The following ARHGEF11 variants were observed in gnomAD, a reference collection of about 807,000 sequenced individuals.
ARHGEF11 encodes Rho guanine nucleotide exchange factor 11.
A neutral mutation model predicts 193.7 loss-of-function variants in ARHGEF11; 55 were observed. The observed-to-expected ratio is 0.28, with a 90% CI of 0.23 to 0.36. The LOEUF (loss-of-function observed/expected upper bound fraction) is 0.36. Ranked by LOEUF, ARHGEF11 falls within the 10% of genes least tolerant of loss-of-function variation. The probability of loss-of-function intolerance (pLI) is 1.00; values close to 1 mark genes in which losing one functional copy is unlikely to be tolerated. For synonymous variants in ARHGEF11, 693 were observed against 768.0 expected, an observed-to-expected ratio of 0.90 and a Z score of 1.62; for missense variants, 1,723 against 2,005.6, an observed-to-expected ratio of 0.86 and a Z score of 2.69.
intron 1 of ARHGEF11, among the ~76,000 whole-genome samples, chr1:157,006,944 T>C (rs1287295559): frequency 1.3e-5 from 2 of 152,180 alleles, no homozygotes; most frequent in African/African-American, 4.8e-5. Context: ...CTAAGGTTGG[T>C]AGCCCTTTCT....
intron 1 of ARHGEF11, among the ~76,000 whole-genome samples, chr1:156,996,697 CG>C (rs1347953402): frequency 7.4e-6 from 1 of 135,834 alleles, no homozygotes; most frequent in South Asian, 2.6e-4. Flanking sequence ...GGCGTGAACC[CG>C]GGGGGCGGAG....
chr1:156,959,041 C>A lies in ARHGEF11; in HGVS notation c.1379+5G>T. The A allele has an allele frequency of 2.5e-6, 4 of 1,614,194 alleles. No homozygotes were observed. Among genetic ancestry groups the A allele is most frequent in the Non-Finnish European group, 3.4e-6 (4 of 1,180,008 alleles). Reference sequence around the variant, plus strand: ...GAGAGGTGGGAGGTCAGCTCCTGGGCCAACCTGTAGTCGTGGATCTGCTCT... The same window carrying A: ...GAGAGGTGGGAGGTCAGCTCCTGGGACAACCTGTAGTCGTGGATCTGCTCT... On this transcript the variant is annotated splice_donor_5th_base_variant and intron_variant, in intron 16 of 40. Coordinates refer to ENST00000368194, the MANE Select transcript of ARHGEF11 (RefSeq NM_198236.3).
At chr1:156,992,126 G>A (rs1223887435) in intron 1 of ARHGEF11, among the ~76,000 whole-genome samples, 1 of 152,122 alleles carries the variant, frequency 6.6e-6, no homozygotes, top group Non-Finnish European at 1.5e-5. Context: ...CATTCCCCAA[G>A]TAATCATTTT....
chr1:156,986,785 T>A (rs1664981748), intron 1 of ARHGEF11, among the ~76,000 whole-genome samples: 1 of 152,176 alleles, frequency 6.6e-6, no homozygotes, highest in Non-Finnish European at 1.5e-5. Context: ...TAAATGGGCA[T>A]GAGTATAAGC....
At position 156,939,709 on chromosome 1, in the gene ARHGEF11, C is replaced by T. The variant is rs1465369151; in HGVS notation, c.3935G>A (p.Gly1312Glu). ...GDNTQLAGLE[G>E]ERPEQEDMGL... ...CATGTCTTCCTGCTCTGGCCGTTCC[C>T]CCTCCAGCCCTGCAAGCTGGGTGTT... The change falls in exon 37 of 41, where the codon GGG (glycine) becomes GAG (glutamate). Residue 1312 changes from glycine to glutamate, a missense_variant. Gly to Glu is a moderately conservative substitution (Grantham distance 98). Coordinates refer to ENST00000368194, the MANE Select transcript of ARHGEF11 (RefSeq NM_198236.3). 12 of 1,614,004 alleles carry T rather than the reference C, an allele frequency of 7.4e-6. No homozygotes were observed. The highest frequency in any genetic ancestry group is 1.0e-5 in the Non-Finnish European group (12 of 1,180,030).
intron 1 of ARHGEF11, among the ~76,000 whole-genome samples, chr1:157,021,363 GC>G (rs1669958438): frequency 6.6e-6 from 1 of 152,168 alleles, no homozygotes; most frequent in Admixed American, 6.5e-5. Context: ...GCATGTCCTT[GC>G]CCTGTAATGC....
chr1:157,019,372 A>G (rs1468500786), intron 1 of ARHGEF11, among the ~76,000 whole-genome samples: 1 of 152,256 alleles, frequency 6.6e-6, no homozygotes, highest in African/African-American at 2.4e-5. Flanking sequence ...TTAAAATTAA[A>G]AAGACTGAAC....
At chr1:156,994,963 A>G (rs952667486) in intron 1 of ARHGEF11, among the ~76,000 whole-genome samples, 1 of 152,186 alleles carries the variant, frequency 6.6e-6, no homozygotes, top group Non-Finnish European at 1.5e-5. Flanking sequence ...TTTCCTCCTC[A>G]GTAAAACACT....
intron 1 of ARHGEF11, among the ~76,000 whole-genome samples, chr1:157,013,263 TCACACA>T (rs71084208): frequency 0.012 from 1,674 of 140,812 alleles, 43 homozygotes; most frequent in African/African-American, 0.043. Flanking sequence ...CCACTATCAC[TCACACA>T]CACACACACA....
chr1:156,944,351 C>A lies in ARHGEF11; in HGVS notation c.3067+7G>T, dbSNP rs200495122. On this transcript the variant is annotated splice_region_variant and intron_variant, in intron 31 of 40. Coordinates refer to ENST00000368194, the MANE Select transcript of ARHGEF11 (RefSeq NM_198236.3). ...TTCCTGCTCAGTCCCAGTCCCCTGG[C>A]ACATACCCAAGGTCTTATCCTTGCT... The A allele has an allele frequency of 1.2e-6, 2 of 1,614,052 alleles. 1 individual carries two copies. The highest frequency in any genetic ancestry group is 2.2e-5 in the South Asian group (2 of 91,062).
chr1:156,945,508 T>C (rs1657956132), intron 29 of ARHGEF11: 1 of 358,076 alleles, frequency 2.8e-6, no homozygotes, highest in Non-Finnish European at 5.1e-6. Flanking sequence ...ATTATGCCTC[T>C]AGAAAGCCTG....
rs768295481 is a variant in ARHGEF11, at chr1:156,937,367, T to C, written c.4322A>G (p.Gln1441Arg). The C allele has an allele frequency of 1.2e-6, 2 of 1,611,140 alleles. No homozygotes were observed. The highest frequency in any genetic ancestry group is 1.7e-6 in the Non-Finnish European group (2 of 1,178,624). Residue 1441 changes from glutamine (Q) to arginine (R), a missense_variant, in exon 39 of 41, where the codon CAG becomes CGG. Coordinates refer to ENST00000368194, the MANE Select transcript of ARHGEF11 (RefSeq NM_198236.3). ...AGQTEPQPQL[Q>R]GGNDDPRRPS... ...GCGTCTTGGATCATCGTTGCCTCCC[T>C]GCAGCTGAGGCTGAGGCTCTGTCTG...
rs1168012981 is a variant in ARHGEF11 at position 157,045,469 on chromosome 1, G to A, written c.-1139C>T. On this transcript the variant is annotated 5_prime_UTR_variant, in exon 1 of 41. Transcript: ENST00000368194. ...TTATTATTGTGGATTTGAGTTCGAG[G>A]TGGGTTTTTCTTCCACACCAGACTC... is the stretch of plus-strand genomic sequence containing the variant. The A allele has an allele frequency of 6.6e-6, 1 of 152,242 alleles. No individual in the cohort carries two copies. Among genetic ancestry groups the A allele is most frequent in the East Asian group, 1.9e-4 (1 of 5,198 alleles). 9.4% of individuals were successfully genotyped at this position (152,242 alleles called of 1,614,324 possible).
At chr1:157,009,936 A>T (rs1463878141) in intron 1 of ARHGEF11, among the ~76,000 whole-genome samples, 1 of 152,214 alleles carries the variant, frequency 6.6e-6, no homozygotes, top group East Asian at 1.9e-4. Context: ...TGCCTGGAGC[A>T]CCTATCAAAT....
At chr1:156,980,531 A>G (rs1206955486) in intron 3 of ARHGEF11, 45 bp from the exon 4 acceptor site, 10 of 1,561,528 alleles carry the variant, frequency 6.4e-6, no homozygotes, top group Non-Finnish European at 8.7e-6. Flanking sequence ...AACCTCTTCC[A>G]CTGAAGCTAC....
upstream of ARHGEF11, among the ~76,000 whole-genome samples, chr1:157,045,831 C>G (rs939409632): frequency 4.0e-5 from 6 of 151,142 alleles, no homozygotes; most frequent in South Asian, 4.1e-4. Context: ...CGGCCGCCCC[C>G]CTTCCCTCCC....
intron 1 of ARHGEF11, among the ~76,000 whole-genome samples, chr1:157,024,544 G>A (rs1052256548): frequency 2.0e-5 from 3 of 152,184 alleles, no homozygotes. Flanking sequence ...GTTAGATGAA[G>A]TAGCAATTAA....
chr1:156,979,212 A>T lies in ARHGEF11; in HGVS notation c.331+17T>A, dbSNP rs1256489734. ...CATCTGCTTCCCTACTTTAGTTGTC[A>T]CCTCTCTCCAACTCACATTTGATCA... On this transcript the variant is annotated intron_variant, in intron 5 of 40. Coordinates refer to ENST00000368194, the MANE Select transcript of ARHGEF11 (RefSeq NM_198236.3). 1 of 1,612,398 alleles carries T rather than the reference A, an allele frequency of 6.2e-7. No homozygotes were observed. The highest frequency in any genetic ancestry group is 1.1e-5 in the South Asian group (1 of 91,026).
chr1:157,026,464 A>G (rs1464079819), intron 1 of ARHGEF11, among the ~76,000 whole-genome samples: 1 of 152,220 alleles, frequency 6.6e-6, no homozygotes, highest in Non-Finnish European at 1.5e-5. Flanking sequence ...TGAGGAAAAC[A>G]AAGCTCTGAG....
Sources: allele counts gnomAD v4.1 joint callset (sites outside exome capture counted in the v4.1 genomes callset), GRCh38; gene constraint gnomAD v4.1.1; transcripts MANE v1.5; gene names NCBI Gene and HGNC (gene_info 2026-07-23, HGNC 2026-07-21).